Variants in ACOXL observed in about 807,000 individuals in gnomAD.
ACOXL encodes acyl-coenzyme A oxidase-like protein.
In ACOXL, 70 loss-of-function variants were observed where a neutral mutation model predicts 71.9. The observed-to-expected ratio is 0.97, with a 90% CI of 0.80 to 1.19. The LOEUF is 1.19. Ranked by LOEUF, ACOXL falls within the 50% of genes most tolerant of loss-of-function variation. ACOXL has a pLI of 0.00. For missense variants in ACOXL, 703 were observed against 736.3 expected (o/e 0.95, Z 0.52); for synonymous variants, 253 against 281.6 (o/e 0.90, Z 1.02).
chr2:111,008,647 G>A (rs1459408729), intron 14 of ACOXL, among the ~76,000 whole-genome samples: 1 of 152,178 alleles, frequency 6.6e-6, no homozygotes, highest in African/African-American at 2.4e-5. Context: ...TAGAAATGTT[G>A]TTGTTAGGCT....
At chr2:111,071,907 G>C (rs1477259903) in intron 16 of ACOXL, among the ~76,000 whole-genome samples, 1 of 152,206 alleles carries the variant, frequency 6.6e-6, no homozygotes, top group African/African-American at 2.4e-5. Flanking sequence ...ATGAGCCACA[G>C]TTCCTGCCTT....
At chr2:111,039,730 A>G (rs1219135134) in intron 15 of ACOXL, among the ~76,000 whole-genome samples, 1 of 152,242 alleles carries the variant, frequency 6.6e-6, no homozygotes, top group Non-Finnish European at 1.5e-5. Context: ...AAATAAGATA[A>G]TTCTCGTAGA....
At chr2:110,919,537 C>T (rs2059989207) in intron 11 of ACOXL, among the ~76,000 whole-genome samples, 1 of 151,824 alleles carries the variant, frequency 6.6e-6, no homozygotes, top group Non-Finnish European at 1.5e-5. Context: ...GCAGATGTAC[C>T]CCAGAACTTA....
chr2:110,846,932 C>T (rs1442878617), intron 10 of ACOXL, among the ~76,000 whole-genome samples: 1 of 152,160 alleles, frequency 6.6e-6, no homozygotes, highest in African/African-American at 2.4e-5. Flanking sequence ...TGCCTGCGCG[C>T]TTAACAACAG....
At chr2:111,033,903 C>T (rs1420605319) in intron 15 of ACOXL, among the ~76,000 whole-genome samples, 1 of 152,184 alleles carries the variant, frequency 6.6e-6, no homozygotes, top group Non-Finnish European at 1.5e-5. Context: ...TGCAAAACTT[C>T]TAAGCATTCA....
At chr2:111,045,026 C>T (rs898219636) in intron 15 of ACOXL, among the ~76,000 whole-genome samples, 7 of 152,164 alleles carry the variant, frequency 4.6e-5, no homozygotes, top group Non-Finnish European at 7.3e-5. Context: ...GAGAACTTAA[C>T]TCTACTCAGA....
intron 1 of ACOXL, among the ~76,000 whole-genome samples, chr2:110,740,110 G>A (rs748395300): frequency 1.3e-5 from 2 of 152,208 alleles, no homozygotes; most frequent in Non-Finnish European, 1.5e-5. Context: ...TTCAGTTTGT[G>A]TTATCTTAAA....
At chr2:111,013,358 T>C (rs2064258640) in intron 14 of ACOXL, among the ~76,000 whole-genome samples, 1 of 151,908 alleles carries the variant, frequency 6.6e-6, no homozygotes, top group African/African-American at 2.4e-5. Flanking sequence ...ACCCTGTCTC[T>C]ACTAAAAATA....
intron 12 of ACOXL, among the ~76,000 whole-genome samples, chr2:110,945,229 C>T (rs2061051142): frequency 1.3e-5 from 2 of 152,086 alleles, no homozygotes; most frequent in South Asian, 4.1e-4. Flanking sequence ...TAAGTTCCTT[C>T]TGGATGTTAG....
chr2:111,110,664 G>A (rs1186212642), intron 17 of ACOXL, among the ~76,000 whole-genome samples: 2 of 152,142 alleles, frequency 1.3e-5, no homozygotes, highest in Non-Finnish European at 2.9e-5. Context: ...TACCCCATGT[G>A]TGGAAGCTTC....
At chr2:110,808,537 G>A (rs1686936513) in intron 9 of ACOXL, among the ~76,000 whole-genome samples, 1 of 152,120 alleles carries the variant, frequency 6.6e-6, no homozygotes, top group Non-Finnish European at 1.5e-5. Flanking sequence ...TTCTGTTTCT[G>A]TATCCAGGAT....
rs980700721 is a variant in ACOXL at position 111,093,663 on chromosome 2, G to A, written c.1542+697G>A. 1.5e-5 allele frequency: 13 copies of A among 853,856 alleles called. No homozygotes were observed. In the Admixed American group the frequency reaches 3.2e-4, roughly 21 times the overall value. The allele number at this position is 853,856 out of a possible 1,614,324, so 52.9% of individuals were successfully genotyped here. ...GCAGATCTCCTGAGCTCAGGAGTTCGACACCATCTTGGGCAACATGGTGAA... is the reference window on the plus strand; with the variant it reads ...GCAGATCTCCTGAGCTCAGGAGTTCAACACCATCTTGGGCAACATGGTGAA... On this transcript the variant is annotated intron_variant, in intron 17 of 17. Coordinates refer to ENST00000439055, the MANE Select transcript of ACOXL (RefSeq NM_001142807.4).
In ACOXL at chr2:110,808,150, G is replaced by C. The variant is rs1214617030; in HGVS notation, c.753+2755G>C. Among the ~76,000 whole-genome samples the C allele has an allele frequency of 2.6e-5, 4 of 152,290 alleles. No homozygotes were observed. In the East Asian group the frequency reaches 7.7e-4, roughly 29 times the overall value. On this transcript the variant is annotated intron_variant, in intron 9 of 17. Transcript: ENST00000439055. ...GAGGGGAGGGAGTGGGGGCTTGGGA[G>C]ACCTCTGCAGCCTGTGCTGGGAGGC...
chr2:111,108,513 G>A (rs1332963756), intron 17 of ACOXL, among the ~76,000 whole-genome samples: 5 of 151,480 alleles, frequency 3.3e-5, no homozygotes, highest in Non-Finnish European at 2.9e-5. Context: ...CAAGTAGCGA[G>A]GATTACAGGC....
At chr2:110,805,845 C>T (rs1686572362) in intron 9 of ACOXL, among the ~76,000 whole-genome samples, 2 of 152,168 alleles carry the variant, frequency 1.3e-5, no homozygotes, top group Non-Finnish European at 2.9e-5. Context: ...GAGACCAGAC[C>T]TCCAGGAGCC....
chr2:111,075,215 G>T (rs543549600), intron 16 of ACOXL, among the ~76,000 whole-genome samples: 167 of 140,400 alleles, frequency 1.2e-3, no homozygotes, highest in African/African-American at 4.3e-3. Flanking sequence ...AACCATTAAG[G>T]CCTAGAGATT....
At chr2:110,744,333 A>G (rs1356159852) in intron 1 of ACOXL, among the ~76,000 whole-genome samples, 1 of 152,242 alleles carries the variant, frequency 6.6e-6, no homozygotes, top group African/African-American at 2.4e-5. Context: ...GGTGGCAGTA[A>G]TAAAGTTTAG....
intron 12 of ACOXL, among the ~76,000 whole-genome samples, chr2:110,984,385 C>T (rs1457138865): frequency 6.6e-6 from 1 of 152,098 alleles, no homozygotes; most frequent in African/African-American, 2.4e-5. Context: ...CTCTCTTTGC[C>T]TCTGCCTGGT....
intron 9 of ACOXL, among the ~76,000 whole-genome samples, chr2:110,838,809 C>T (rs1262394316): frequency 6.6e-6 from 1 of 152,224 alleles, no homozygotes; most frequent in Admixed American, 6.5e-5. Flanking sequence ...TCCCATCCAC[C>T]CTGGAAGTGG....
Sources: gnomAD v4.1 joint callset for allele counts (sites outside exome capture counted in the v4.1 genomes callset) on GRCh38, gnomAD v4.1.1 for gene constraint, MANE v1.5 for transcripts, NCBI Gene and HGNC (gene_info 2026-07-23, HGNC 2026-07-21) for gene names.